DERL1: variants seen among roughly 807,000 people sequenced by gnomAD.
DERL1 encodes the protein derlin 1.
A neutral mutation model predicts 41.6 loss-of-function variants in DERL1; 24 were observed. That is an observed-to-expected ratio of 0.58 (90% CI 0.42 to 0.81). The LOEUF is 0.81. Among genes scored for constraint, DERL1 ranks in the 30% least tolerant of loss-of-function variants. DERL1 has a pLI of 0.00. For missense variants in DERL1, 260 were observed against 314.3 expected (o/e 0.83, Z 1.31); for synonymous variants, 124 against 112.5 (o/e 1.10, Z -0.65).
chr8:123,022,802 A>G, intron 4 of DERL1, 23 bp from the exon 5 acceptor site: 1 of 1,608,264 alleles, frequency 6.2e-7, no homozygotes, highest in Admixed American at 1.7e-5. Flanking sequence ...TCGACATGTA[A>G]AAACCAGGCT....
chr8:123,036,407 GCAA>G (rs1224915457), intron 1 of DERL1, among the ~76,000 whole-genome samples: 2 of 152,102 alleles, frequency 1.3e-5, no homozygotes, highest in Non-Finnish European at 2.9e-5. Flanking sequence ...ATAAAAACTG[GCAA>G]CAACAATACA....
chr8:123,023,744 G>T lies in DERL1; in HGVS notation c.331-5C>A, dbSNP rs1397123017. 1 of 1,610,680 alleles carries T rather than the reference G, an allele frequency of 6.2e-7. No homozygotes were observed. On this transcript the variant is annotated splice_polypyrimidine_tract_variant and splice_region_variant and intron_variant, in intron 3 of 7. Coordinates refer to ENST00000259512, the MANE Select transcript of DERL1 (RefSeq NM_024295.6). The stretch of plus-strand genomic sequence containing the variant: ...ATCCATTGCTAAGCCAGTAATCTTG[G>T]TTTGTAAAGTTAAAGATCAGACATA...
chr8:123,014,504 A>C lies in DERL1; in HGVS notation c.*943T>G, dbSNP rs1430901630. On this transcript the variant is annotated 3_prime_UTR_variant, in exon 8 of 8. Coordinates refer to ENST00000259512, the MANE Select transcript of DERL1 (RefSeq NM_024295.6). The stretch of plus-strand genomic sequence containing the variant: ...ACTCAATGAACACATATCCAGAATG[A>C]GATTGAAATGGAATCAATGCCCAGG... 1 of 152,694 alleles carries C rather than the reference A, an allele frequency of 6.5e-6. No homozygotes were observed. The highest frequency in any genetic ancestry group is 2.4e-5 in the African/African-American group (1 of 41,450). 9.5% of individuals were successfully genotyped at this position (152,694 alleles called of 1,614,324 possible). A position where few individuals can be genotyped will look rare whatever the true frequency, so the allele number is the denominator to read the frequency against.
At chr8:123,020,702 C>A (rs1464380446) in intron 6 of DERL1, among the ~76,000 whole-genome samples, 1 of 149,710 alleles carries the variant, frequency 6.7e-6, no homozygotes, top group Non-Finnish European at 1.5e-5. Context: ...GAAATCCCAG[C>A]ACTTTAGGAG....
At chr8:123,039,770 A>C (rs1813003885) in intron 1 of DERL1, among the ~76,000 whole-genome samples, 1 of 152,216 alleles carries the variant, frequency 6.6e-6, no homozygotes, top group South Asian at 2.1e-4. Context: ...GCAAGTGCCC[A>C]ATTACTTCCA....
At chr8:123,027,711 G>A (rs776282273) in intron 2 of DERL1, among the ~76,000 whole-genome samples, 2 of 152,126 alleles carry the variant, frequency 1.3e-5, no homozygotes, top group Non-Finnish European at 2.9e-5. Flanking sequence ...TGTATTACCT[G>A]ACCAGGTAAT....
rs1399704714 is a variant in DERL1, at chr8:123,042,057, G to T, written c.66C>A (p.Thr22=). 1.2e-6 allele frequency: 2 copies of T among 1,613,804 alleles called. No individual in the cohort carries two copies. The highest frequency in any genetic ancestry group is 1.7e-6 in the Non-Finnish European group (2 of 1,179,936). The change falls in exon 1 of 8, where the codon ACC becomes ACA. Residue 22 remains threonine, a synonymous_variant. Transcript: ENST00000259512. The stretch of plus-strand genomic sequence containing the variant: ...GTTTGCCGACCAAGGGCACGGCGAC[G>T]GTGGCGGCGAACCAATAGCGCGTGA... ...PAITRYWFAA[T]VAVPLVGKLG...
intron 1 of DERL1, among the ~76,000 whole-genome samples, chr8:123,035,024 G>A (rs1044658278): frequency 6.6e-6 from 1 of 152,158 alleles, no homozygotes; most frequent in Non-Finnish European, 1.5e-5. Flanking sequence ...GGAAACACCC[G>A]CTAACCAGTT....
intron 6 of DERL1, among the ~76,000 whole-genome samples, chr8:123,020,254 C>T (rs558176324): frequency 5.9e-5 from 9 of 152,054 alleles, no homozygotes; most frequent in African/African-American, 1.4e-4. Flanking sequence ...CCAAGGTGAG[C>T]GGATCATTTG....
intron 1 of DERL1, among the ~76,000 whole-genome samples, chr8:123,031,447 A>C (rs1812813843): frequency 1.3e-5 from 2 of 152,106 alleles, no homozygotes; most frequent in Admixed American, 6.6e-5. Context: ...CGGGAGGCTG[A>C]GGCAGGAGAA....
chr8:123,030,775 C>G (rs1812803774), intron 1 of DERL1, 59 bp from the exon 2 acceptor site: 1 of 1,215,000 alleles, frequency 8.2e-7, no homozygotes, highest in Non-Finnish European at 1.2e-6. Context: ...ATTTCTTTCC[C>G]TTCTAACTAA....
intron 2 of DERL1, among the ~76,000 whole-genome samples, chr8:123,027,033 C>T (rs116804136): frequency 0.024 from 3,720 of 152,160 alleles, 160 homozygotes; most frequent in African/African-American, 0.085. Flanking sequence ...CAGTGGCTCA[C>T]GCCTGTAGTA....
intron 4 of DERL1, among the ~76,000 whole-genome samples, chr8:123,023,083 C>T (rs571399660): frequency 6.6e-6 from 1 of 152,156 alleles, no homozygotes; most frequent in South Asian, 2.1e-4. Context: ...TAAAAAACAT[C>T]CATATACATG....
intron 3 of DERL1, 102 bp downstream of exon 3, chr8:123,024,884 G>T: frequency 8.2e-7 from 1 of 1,213,332 alleles, no homozygotes; most frequent in South Asian, 1.6e-5. Context: ...CAACCAAGAT[G>T]CAAATATTGT....
chr8:123,036,288 T>A lies in DERL1; in HGVS notation c.154-5572A>T, dbSNP rs1339887520. ...GTAAATAAATTGTGGTATGGTCCCA[T>A]AATGAGCAACCTATAACCACATGCA... On this transcript the variant is annotated intron_variant, in intron 1 of 7. Transcript: ENST00000259512. Among the ~76,000 whole-genome samples, 6 of 152,178 alleles carry A rather than the reference T, an allele frequency of 3.9e-5. No individual in the cohort carries two copies. The South Asian group carries it at 1.0e-3, about 26-fold the overall frequency.
chr8:123,040,296 G>A (rs766591393), intron 1 of DERL1, among the ~76,000 whole-genome samples: 6 of 152,178 alleles, frequency 3.9e-5, no homozygotes, highest in Non-Finnish European at 8.8e-5. Context: ...TTTTATGTAC[G>A]GCCATCAGAG....
At chr8:123,030,016 C>T (rs1450004863) in intron 2 of DERL1, among the ~76,000 whole-genome samples, 3 of 151,962 alleles carry the variant, frequency 2.0e-5, no homozygotes, top group Non-Finnish European at 2.9e-5. Context: ...ACTGAGATGG[C>T]ACCACTGCAC....
chr8:123,030,497 T>A, intron 2 of DERL1, 108 bp downstream of exon 2: 1 of 743,890 alleles, frequency 1.3e-6, no homozygotes, highest in Non-Finnish European at 2.2e-6. Flanking sequence ...ACTATCTTTA[T>A]GCAGTTTCTT....
chr8:123,023,584 A>C (rs1307819396), intron 4 of DERL1, 129 bp downstream of exon 4: 1 of 799,140 alleles, frequency 1.3e-6, no homozygotes, highest in Non-Finnish European at 1.9e-6. Flanking sequence ...AAACAGCTGT[A>C]ATTCCATAAT....
Sources: allele counts gnomAD v4.1 joint callset (sites outside exome capture counted in the v4.1 genomes callset), GRCh38; gene constraint gnomAD v4.1.1; transcripts MANE v1.5; gene names NCBI Gene and HGNC (gene_info 2026-07-23, HGNC 2026-07-21).